The following ZNF704 variants were observed in gnomAD, a reference collection of about 807,000 sequenced individuals.
ZNF704 encodes the protein zinc finger protein 704.
In ZNF704, 10 loss-of-function variants were observed where a neutral mutation model predicts 44.7. The observed-to-expected ratio is 0.22, with a 90% CI of 0.14 to 0.38. The LOEUF (loss-of-function observed/expected upper bound fraction) is 0.38, where lower values mean the gene tolerates loss of function less well. ZNF704 is among the 10% of genes least tolerant of loss of function. The pLI is 1.00. For synonymous variants in ZNF704, 211 were observed against 207.6 expected, an observed-to-expected ratio of 1.02 and a Z score of -0.14; for missense variants, 390 against 545.5, an observed-to-expected ratio of 0.71 and a Z score of 2.84.
intron 2 of ZNF704, among the ~76,000 whole-genome samples, chr8:80,767,721 A>G (rs1316797121): frequency 6.6e-6 from 1 of 152,198 alleles, no homozygotes; most frequent in Non-Finnish European, 1.5e-5. Context: ...TAATATGTTA[A>G]TCAATACCCC....
chr8:80,759,896 G>A (rs1175022947), intron 2 of ZNF704, among the ~76,000 whole-genome samples: 2 of 152,106 alleles, frequency 1.3e-5, no homozygotes, highest in Non-Finnish European at 2.9e-5. Flanking sequence ...GCTGACCACA[G>A]ATGCATACCA....
rs1194911912 is a variant in ZNF704 at position 80,633,477 on chromosome 8, T to A, written c.*7889A>T. ...CTGAGTAACGGGTGGGCTCTTTATG[T>A]CTATGCTGAAAGGCCTGGACTGAAT... is the stretch of plus-strand genomic sequence containing the variant. On this transcript the variant is annotated 3_prime_UTR_variant, in exon 9 of 9. Coordinates refer to ENST00000327835, the MANE Select transcript of ZNF704 (RefSeq NM_001033723.3). 1 of 152,134 alleles carries A rather than the reference T, an allele frequency of 6.6e-6. No individual in the cohort carries two copies. The highest frequency in any genetic ancestry group is 2.4e-5 in the African/African-American group (1 of 41,406). The allele number at this position is 152,134 out of a possible 1,614,324, so 9.4% of individuals were successfully genotyped here. A position where few individuals can be genotyped will look rare whatever the true frequency, so the allele number is the denominator to read the frequency against.
At chr8:80,851,205 G>C (rs1037396877) in intron 1 of ZNF704, among the ~76,000 whole-genome samples, 2 of 152,112 alleles carry the variant, frequency 1.3e-5, no homozygotes, top group Non-Finnish European at 2.9e-5. Context: ...ATTTGACCCA[G>C]CCATCCCATT....
At chr8:80,704,604 TG>T (rs1257996260) in intron 2 of ZNF704, among the ~76,000 whole-genome samples, 2 of 151,946 alleles carry the variant, frequency 1.3e-5, no homozygotes, top group African/African-American at 2.4e-5. Flanking sequence ...CTGGGGGTGG[TG>T]GGGGAAAGGG....
chr8:80,675,986 TAA>T (rs1818359742), intron 4 of ZNF704, among the ~76,000 whole-genome samples: 1 of 152,010 alleles, frequency 6.6e-6, no homozygotes, highest in African/African-American at 2.4e-5. Flanking sequence ...GAAGGAGCAG[TAA>T]GAGAGAGAAG....
chr8:80,865,729 G>A (rs1809143886), intron 1 of ZNF704, among the ~76,000 whole-genome samples: 1 of 152,142 alleles, frequency 6.6e-6, no homozygotes, highest in Admixed American at 6.5e-5. Context: ...GTGACCATCA[G>A]GTATGGCACG....
intron 2 of ZNF704, among the ~76,000 whole-genome samples, chr8:80,710,500 T>G (rs545143842): frequency 2.0e-5 from 3 of 152,306 alleles, no homozygotes; most frequent in Admixed American, 6.5e-5. Context: ...TGATTCTATC[T>G]CCACAATATT....
chr8:80,818,303 C>T (rs1019079153), intron 2 of ZNF704, among the ~76,000 whole-genome samples: 1 of 151,888 alleles, frequency 6.6e-6, no homozygotes, highest in Non-Finnish European at 1.5e-5. Context: ...AAATGATTAT[C>T]CTGCTTTTTG....
intron 1 of ZNF704, among the ~76,000 whole-genome samples, chr8:80,830,753 CTTT>C (rs772059759): frequency 2.2e-5 from 2 of 89,120 alleles, no homozygotes; most frequent in South Asian, 3.6e-4. Context: ...GTGTTTCTTT[CTTT>C]TTTTTTTTTT....
At chr8:80,763,013 T>C (rs1308687857) in intron 2 of ZNF704, among the ~76,000 whole-genome samples, 1 of 152,258 alleles carries the variant, frequency 6.6e-6, no homozygotes, top group Non-Finnish European at 1.5e-5. Flanking sequence ...CGCATGCTGA[T>C]GCAAGAGGTG....
At chr8:80,733,350 G>A (rs1806614211) in intron 2 of ZNF704, among the ~76,000 whole-genome samples, 1 of 152,256 alleles carries the variant, frequency 6.6e-6, no homozygotes. Context: ...ATTATTACCT[G>A]AGTAGTGGAT....
In ZNF704 at chr8:80,752,899, C is replaced by T. The variant is rs1806971691; in HGVS notation, c.222-59792G>A. ...GCCAGTCTAATAATCCCACCAGTTC[C>T]ATTTCCTTTCAGTTGCAGTAGGAAA... On this transcript the variant is annotated intron_variant, in intron 2 of 8. Transcript: ENST00000327835. Among the ~76,000 whole-genome samples, 6 of 152,326 alleles carry T rather than the reference C, an allele frequency of 3.9e-5. No individual in the cohort carries two copies. The South Asian group carries it at 1.2e-3, about 32-fold the overall frequency.
In ZNF704 at chr8:80,632,155, C is replaced by T. The variant is rs369700695; in HGVS notation, c.*9211G>A. 6.6e-6 allele frequency: 1 copy of T among 152,118 alleles called. No homozygotes were observed. Among genetic ancestry groups the T allele is most frequent in the African/African-American group, 2.4e-5 (1 of 41,502 alleles). 9.4% of individuals were successfully genotyped at this position (152,118 alleles called of 1,614,324 possible). A position where few individuals can be genotyped will look rare whatever the true frequency, so the allele number is the denominator to read the frequency against. On this transcript the variant is annotated 3_prime_UTR_variant, in exon 9 of 9. Coordinates refer to ENST00000327835, the MANE Select transcript of ZNF704 (RefSeq NM_001033723.3). ...AGAATTCAGAAGAAATAGATGAGCA[C>T]CTTTGTTTTTTTCTGTTTAAAGGAA...
intron 1 of ZNF704, among the ~76,000 whole-genome samples, chr8:80,831,013 CA>C (rs1446648902): frequency 2.0e-5 from 3 of 151,978 alleles, no homozygotes; most frequent in African/African-American, 7.3e-5. Flanking sequence ...CTCAGCCTCC[CA>C]AAGTGCTGGG....
At chr8:80,753,431 GCTTT>G (rs776110619) in intron 2 of ZNF704, among the ~76,000 whole-genome samples, 1 of 151,780 alleles carries the variant, frequency 6.6e-6, no homozygotes, top group African/African-American at 2.4e-5. Context: ...ATATTTCTGG[GCTTT>G]CTGCCACTTG....
In ZNF704 at chr8:80,630,868, T is replaced by C. The variant is rs767755163; in HGVS notation, c.*10498A>G. ...TTTTAGGGTGTGTTGTAGGAAAATA[T>C]TGATTCAGGGATTTTTTTTAAAAAA... On this transcript the variant is annotated 3_prime_UTR_variant, in exon 9 of 9. Coordinates refer to ENST00000327835, the MANE Select transcript of ZNF704 (RefSeq NM_001033723.3). The C allele has an allele frequency of 2.6e-5, 4 of 152,324 alleles. No homozygotes were observed. The highest frequency in any genetic ancestry group is 4.4e-5 in the Non-Finnish European group (3 of 68,018). The allele number at this position is 152,324 out of a possible 1,614,324, so 9.4% of individuals were successfully genotyped here. A position where few individuals can be genotyped will look rare whatever the true frequency, so the allele number is the denominator to read the frequency against.
intron 4 of ZNF704, among the ~76,000 whole-genome samples, chr8:80,675,147 G>A (rs1431749801): frequency 2.0e-5 from 3 of 152,206 alleles, no homozygotes; most frequent in African/African-American, 4.8e-5. Context: ...ATAGCATGAG[G>A]CCTGTAGAAG....
chr8:80,637,788 A>C lies in ZNF704; in HGVS notation c.*3578T>G, dbSNP rs545152433. 1 of 152,262 alleles carries C rather than the reference A, an allele frequency of 6.6e-6. No individual in the cohort carries two copies. Among genetic ancestry groups the C allele is most frequent in the Non-Finnish European group, 1.5e-5 (1 of 68,052 alleles). 9.4% of individuals were successfully genotyped at this position (152,262 alleles called of 1,614,324 possible). On this transcript the variant is annotated 3_prime_UTR_variant, in exon 9 of 9. Coordinates refer to ENST00000327835, the MANE Select transcript of ZNF704 (RefSeq NM_001033723.3). ...CGCACACATTCTTGGTCAGAAACCCACAGCTTTTTTCCTGACACTGGCTTT... is the reference window on the plus strand; with the variant it reads ...CGCACACATTCTTGGTCAGAAACCCCCAGCTTTTTTCCTGACACTGGCTTT...
intron 4 of ZNF704, among the ~76,000 whole-genome samples, chr8:80,686,552 T>A (rs1158812248): frequency 1.3e-5 from 2 of 152,084 alleles, no homozygotes; most frequent in African/African-American, 4.8e-5. Context: ...GAGCTAATTT[T>A]TTTTTTATTT....
Sources: allele counts gnomAD v4.1 joint callset (sites outside exome capture counted in the v4.1 genomes callset), GRCh38; gene constraint gnomAD v4.1.1; transcripts MANE v1.5; gene names NCBI Gene and HGNC (gene_info 2026-07-23, HGNC 2026-07-21).